The following FRMPD4 variants were observed in gnomAD, a reference collection of about 807,000 sequenced individuals.
FRMPD4 encodes the protein FERM and PDZ domain-containing protein 4.
In FRMPD4, 22 loss-of-function variants were observed where a neutral mutation model predicts 94.1. The observed-to-expected ratio is 0.23, with a 90% CI of 0.17 to 0.33. The LOEUF is 0.33. Among genes scored for constraint, FRMPD4 ranks in the 10% least tolerant of loss-of-function variants. The pLI, the probability that FRMPD4 is intolerant of heterozygous loss-of-function variation, is 1.00. For synonymous variants in FRMPD4, 631 were observed against 548.6 expected, an observed-to-expected ratio of 1.15 and a Z score of -2.10; for missense variants, 1,111 against 1,339.9, an observed-to-expected ratio of 0.83 and a Z score of 2.67.
At chrX:12,654,815 G>A (rs947724718) in intron 4 of FRMPD4, among the ~76,000 whole-genome samples, 1 of 112,144 alleles carries the variant, frequency 8.9e-6, no homozygotes, top group Admixed American at 9.5e-5. Flanking sequence ...TCTAAGTTCT[G>A]TGCTTCTAGA....
Position 12,243,790 on chromosome X carries a change from CTTTTTTTTTTTTTT to C in FRMPD4, c.41+104799_41+104812del, listed in dbSNP as rs148889684. Among the ~76,000 whole-genome samples the C allele has an allele frequency of 3.9e-4, 9 of 22,928 alleles. 1 individual carries two copies. Among genetic ancestry groups the C allele is most frequent in the African/African-American group, 9.9e-4 (5 of 5,027 alleles). The allele number at this position is 22,928 out of a possible 115,157, so 19.9% of individuals were successfully genotyped here. A position where few individuals can be genotyped will look rare whatever the true frequency, so the allele number is the denominator to read the frequency against. ...CAGAAACAGTTGTCCATCTAAAGGG[CTTTTTTTTTTTTTT>C]TTTTTTTTTTTTTTTTTTTTGAGGC... On this transcript the variant is annotated intron_variant, in intron 1 of 16. Transcript: ENST00000675598.
intron 1 of FRMPD4, among the ~76,000 whole-genome samples, chrX:12,475,297 T>C (rs767998796): frequency 8.9e-6 from 1 of 112,212 alleles, no homozygotes; most frequent in East Asian, 2.8e-4. Flanking sequence ...AAATTAGCTA[T>C]TGATGGGACG....
At chrX:12,100,877 T>C (rs1163824628) in intron 3 of FRMPD4, among the ~76,000 whole-genome samples, 1 of 112,379 alleles carries the variant, frequency 8.9e-6, no homozygotes, top group Non-Finnish European at 1.9e-5. Flanking sequence ...CCAGTGCTGT[T>C]GATTCCAAGG....
chrX:12,437,740 C>A (rs779881562), intron 1 of FRMPD4, among the ~76,000 whole-genome samples: 1 of 112,136 alleles, frequency 8.9e-6, no homozygotes, highest in Non-Finnish European at 1.9e-5. Context: ...TTTCCTTTCA[C>A]GATGCTCCCA....
At chrX:12,312,079 C>T (rs907111340) in intron 1 of FRMPD4, among the ~76,000 whole-genome samples, 1 of 110,315 alleles carries the variant, frequency 9.1e-6, no homozygotes, top group Non-Finnish European at 1.9e-5. Flanking sequence ...TCTCTGTGCT[C>T]CACTCTGGAT....
chrX:11,864,344 G>A (rs1024717797), intron 1 of FRMPD4, among the ~76,000 whole-genome samples: 1 of 109,760 alleles, frequency 9.1e-6, no homozygotes, highest in African/African-American at 3.3e-5. Flanking sequence ...CAGCACTAAA[G>A]GAGTGGTTAG....
intron 3 of FRMPD4, among the ~76,000 whole-genome samples, chrX:11,991,381 C>T (rs907800647): frequency 5.4e-5 from 6 of 111,861 alleles, no homozygotes; most frequent in African/African-American, 1.9e-4. Flanking sequence ...ATTCCATAAA[C>T]TATCATGTAA....
At chrX:12,295,468 TG>T (rs2054757662) in intron 1 of FRMPD4, among the ~76,000 whole-genome samples, 1 of 112,534 alleles carries the variant, frequency 8.9e-6, no homozygotes, top group Non-Finnish European at 1.9e-5. Flanking sequence ...ATAGAATTTT[TG>T]TGAAGACCAA....
intron 1 of FRMPD4, among the ~76,000 whole-genome samples, chrX:12,210,970 CTAAATA>C (rs1239613215): frequency 2.7e-5 from 3 of 112,345 alleles, no homozygotes; most frequent in African/African-American, 9.7e-5. Context: ...AGTGACAAAA[CTAAATA>C]GAATGTCTCT....
chrX:12,471,203 C>T (rs182727898), intron 1 of FRMPD4, among the ~76,000 whole-genome samples: 1 of 111,804 alleles, frequency 8.9e-6, no homozygotes, highest in Non-Finnish European at 1.9e-5. Context: ...CCATTTCTCA[C>T]TATGAGATGA....
chrX:12,002,732 T>C (rs1006396781), intron 3 of FRMPD4, among the ~76,000 whole-genome samples: 1 of 112,185 alleles, frequency 8.9e-6, no homozygotes, highest in African/African-American at 3.2e-5. Flanking sequence ...TGTTTATTCA[T>C]TCATTCATCA....
Position 12,000,919 on chromosome X carries a change from A to C in FRMPD4, c.95+122901A>C, listed in dbSNP as rs1449729199. Reference sequence around the variant, plus strand: ...AAATCTGAGTTTTCTACTTGATACAATTTGTAACTCATTGGGTACATTTAA... The same window carrying C: ...AAATCTGAGTTTTCTACTTGATACACTTTGTAACTCATTGGGTACATTTAA... On this transcript the variant is annotated intron_variant, in intron 3 of 18. Transcript: ENST00000640291. 5.4e-5 allele frequency among the ~76,000 whole-genome samples: 6 copies of C among 112,013 alleles called. No individual in the cohort carries two copies. The East Asian group carries it at 1.7e-3, about 31-fold the overall frequency.
chrX:12,369,170 G>A (rs768751095), intron 1 of FRMPD4, among the ~76,000 whole-genome samples: 1 of 109,326 alleles, frequency 9.1e-6, no homozygotes, highest in East Asian at 2.8e-4. Context: ...TCTGCTGTAT[G>A]TAAGGGCATT....
At chrX:12,015,354 T>G (rs1297319227) in intron 3 of FRMPD4, among the ~76,000 whole-genome samples, 1 of 111,774 alleles carries the variant, frequency 8.9e-6, no homozygotes, top group African/African-American at 3.3e-5. Context: ...CCTATTTATT[T>G]CTCAGGTTTC....
intron 3 of FRMPD4, among the ~76,000 whole-genome samples, chrX:11,963,890 A>C (rs2054296267): frequency 9.0e-6 from 1 of 111,448 alleles, no homozygotes; most frequent in Non-Finnish European, 1.9e-5. Flanking sequence ...GGACTCACAG[A>C]CTATATAGGT....
At position 11,933,044 on chromosome X, in the gene FRMPD4, G is replaced by T. The variant is rs1354058065; in HGVS notation, c.95+55026G>T. On this transcript the variant is annotated intron_variant, in intron 3 of 18. Coordinates refer to the FRMPD4 transcript ENST00000640291. ...GCAGTTGCTCAATAAATACCTGGGA[G>T]TTTAAGACCGAGTCCCCAAACGTCA... 1.8e-5 allele frequency among the ~76,000 whole-genome samples: 2 copies of T among 111,802 alleles called. 1 individual carries two copies. The highest frequency in any genetic ancestry group is 1.9e-4 in the Admixed American group (2 of 10,524).
chrX:12,173,027 G>A (rs1032489735), intron 1 of FRMPD4, among the ~76,000 whole-genome samples: 8 of 112,499 alleles, frequency 7.1e-5, no homozygotes, highest in African/African-American at 2.6e-4. Flanking sequence ...TGTGTATTCA[G>A]TTTCTACCCA....
chrX:12,283,517 A>C lies in FRMPD4; in HGVS notation c.41+144505A>C, dbSNP rs775440533. ...TAATTAATGATGTTTTAGTCTAACT[A>C]TCATTTTCTCTAACAAACATTTCGT... is the stretch of plus-strand genomic sequence containing the variant. On this transcript the variant is annotated intron_variant, in intron 1 of 16. Transcript: ENST00000675598. Among the ~76,000 whole-genome samples the C allele has an allele frequency of 2.7e-5, 3 of 112,452 alleles. No homozygotes were observed. In the East Asian group the frequency reaches 8.4e-4, roughly 31 times the overall value.
intron 4 of FRMPD4, among the ~76,000 whole-genome samples, chrX:12,632,393 C>A (rs2059404087): frequency 8.9e-6 from 1 of 111,823 alleles, no homozygotes; most frequent in Non-Finnish European, 1.9e-5. Flanking sequence ...TTCTGTGACC[C>A]CATCCACTAA....
Sources: allele counts gnomAD v4.1 joint callset (sites outside exome capture counted in the v4.1 genomes callset), GRCh38; gene constraint gnomAD v4.1.1; transcripts MANE v1.5; gene names NCBI Gene and HGNC (gene_info 2026-07-23, HGNC 2026-07-21).